Variants in SGCZ observed in about 807,000 individuals in gnomAD.
The protein encoded by SGCZ is zeta-sarcoglycan.
Under a neutral mutation model 41.3 loss-of-function variants are expected in SGCZ, and 40 were observed. The observed-to-expected ratio is 0.97, with a 90% confidence interval of 0.75 to 1.26. The LOEUF is 1.26. Ranked by LOEUF, SGCZ falls within the 50% of genes most tolerant of loss-of-function variation. SGCZ has a pLI of 0.00. For missense variants in SGCZ, 552 were observed against 369.8 expected, an observed-to-expected ratio of 1.49 and a Z score of -4.04; for synonymous variants, 206 against 137.5, an observed-to-expected ratio of 1.50 and a Z score of -3.49.
In SGCZ at chr8:14,395,587, A is replaced by G. The variant is rs188713157; in HGVS notation, c.235-71383T>C. On this transcript the variant is annotated intron_variant, in intron 2 of 7. Transcript: ENST00000382080. ...AGAAAGATAGAAGGTGTAATATTGA[A>G]AGGAGTATTGATTTTCAATTATAAG... Among the ~76,000 whole-genome samples the G allele has an allele frequency of 2.6e-5, 4 of 152,292 alleles. 1 individual carries two copies. Among genetic ancestry groups the G allele is most frequent in the Admixed American group, 6.5e-5 (1 of 15,286 alleles).
chr8:14,412,701 A>C (rs1027921664), intron 2 of SGCZ, among the ~76,000 whole-genome samples: 1 of 152,026 alleles, frequency 6.6e-6, no homozygotes, highest in Non-Finnish European at 1.5e-5. Context: ...GAAATCTCTC[A>C]CAAGGGCTAA....
intron 1 of SGCZ, among the ~76,000 whole-genome samples, chr8:15,005,001 G>T (rs1463422391): frequency 6.6e-6 from 1 of 152,138 alleles, no homozygotes; most frequent in African/African-American, 2.4e-5. Context: ...TGATACTGAT[G>T]TATGCAGTGG....
intron 4 of SGCZ, among the ~76,000 whole-genome samples, chr8:14,213,587 A>C (rs1252432336): frequency 2.0e-5 from 3 of 152,090 alleles, no homozygotes; most frequent in Admixed American, 2.0e-4. Context: ...TGCTATTAGC[A>C]CGCTTTAAAT....
chr8:14,889,349 G>C (rs1200734729), intron 1 of SGCZ, among the ~76,000 whole-genome samples: 2 of 151,850 alleles, frequency 1.3e-5, no homozygotes, highest in Non-Finnish European at 2.9e-5. Flanking sequence ...ACTTCAACCT[G>C]TATTTAAAAA....
At chr8:14,126,538 G>T (rs532405130) in intron 5 of SGCZ, among the ~76,000 whole-genome samples, 1 of 152,160 alleles carries the variant, frequency 6.6e-6, no homozygotes, top group Non-Finnish European at 1.5e-5. Flanking sequence ...CCACTGTTGG[G>T]AATGAAAATT....
At chr8:15,004,283 A>C (rs2130915135) in intron 1 of SGCZ, among the ~76,000 whole-genome samples, 1 of 152,288 alleles carries the variant, frequency 6.6e-6, no homozygotes, top group Middle Eastern at 3.4e-3. Context: ...GATAATGAGC[A>C]AGGCAGTCAT....
intron 1 of SGCZ, among the ~76,000 whole-genome samples, chr8:14,796,637 ACT>A (rs1359647735): frequency 6.6e-6 from 1 of 152,144 alleles, no homozygotes; most frequent in Non-Finnish European, 1.5e-5. Flanking sequence ...CCCTCCTGAC[ACT>A]CTCTACTTAT....
Position 15,000,602 on chromosome 8 carries a change from C to T in SGCZ, c.39+236983G>A, listed in dbSNP as rs571297226. Among the ~76,000 whole-genome samples the T allele has an allele frequency of 1.6e-3, 246 of 152,280 alleles. 4 individuals carry two copies. Among genetic ancestry groups the T allele is most frequent in the Admixed American group, 3.5e-3 (53 of 15,296 alleles). On this transcript the variant is annotated intron_variant, in intron 1 of 7. Transcript: ENST00000382080. The stretch of plus-strand genomic sequence containing the variant: ...CAAGATGGCGGCTCCATCTTCGCTT[C>T]TCTTTGCCAGCCACGTGTACAGCAA...
At chr8:14,117,322 G>A (rs972645047) in intron 5 of SGCZ, among the ~76,000 whole-genome samples, 2 of 150,144 alleles carry the variant, frequency 1.3e-5, no homozygotes, top group African/African-American at 4.9e-5. Flanking sequence ...CCATGAACAG[G>A]GTAAACAGAT....
intron 1 of SGCZ, among the ~76,000 whole-genome samples, chr8:14,976,193 T>C (rs1363999362): frequency 6.6e-6 from 1 of 151,790 alleles, no homozygotes; most frequent in East Asian, 1.9e-4. Context: ...GGCTAATTTT[T>C]TGTGTTTTTA....
chr8:14,464,601 G>A (rs1385364263), intron 2 of SGCZ, among the ~76,000 whole-genome samples: 1 of 148,712 alleles, frequency 6.7e-6, no homozygotes, highest in Non-Finnish European at 1.5e-5. Flanking sequence ...GTTTATCTCT[G>A]CTTTAGTCTT....
chr8:14,880,416 C>A (rs1410315424), intron 1 of SGCZ, among the ~76,000 whole-genome samples: 1 of 152,128 alleles, frequency 6.6e-6, no homozygotes, highest in African/African-American at 2.4e-5. Context: ...TGATGTAGAA[C>A]TAGAAATACC....
chr8:15,108,128 T>C lies in SGCZ; in HGVS notation c.39+129457A>G, dbSNP rs997154346. 2.0e-4 allele frequency among the ~76,000 whole-genome samples: 31 copies of C among 152,228 alleles called. 1 individual carries two copies. Among genetic ancestry groups the C allele is most frequent in the African/African-American group, 7.5e-4 (31 of 41,472 alleles). ...CTTTCTGTTTAATAATTCACTATTATTTTTATCTTGATTAATTTATTCCTT... is the reference window on the plus strand; with the variant it reads ...CTTTCTGTTTAATAATTCACTATTACTTTTATCTTGATTAATTTATTCCTT... On this transcript the variant is annotated intron_variant, in intron 1 of 7. Coordinates refer to ENST00000382080, the MANE Select transcript of SGCZ (RefSeq NM_139167.4).
chr8:15,006,348 G>C (rs1802606188), intron 1 of SGCZ, among the ~76,000 whole-genome samples: 1 of 152,020 alleles, frequency 6.6e-6, no homozygotes, highest in African/African-American at 2.4e-5. Flanking sequence ...AAAATCCCTT[G>C]GTACTGAAGC....
intron 1 of SGCZ, among the ~76,000 whole-genome samples, chr8:15,087,624 C>A (rs939595720): frequency 6.6e-6 from 1 of 151,780 alleles, no homozygotes; most frequent in Non-Finnish European, 1.5e-5. Flanking sequence ...AAGAGCTTGT[C>A]GAAAAAAATG....
At chr8:14,572,086 T>A (rs1411068867) in intron 1 of SGCZ, among the ~76,000 whole-genome samples, 1 of 152,190 alleles carries the variant, frequency 6.6e-6, no homozygotes, top group African/African-American at 2.4e-5. Context: ...TAAAAGCACT[T>A]ATTCATTAAA....
intron 1 of SGCZ, among the ~76,000 whole-genome samples, chr8:14,718,183 T>TA (rs1257182426): frequency 6.6e-6 from 1 of 151,598 alleles, no homozygotes; most frequent in Non-Finnish European, 1.5e-5. Flanking sequence ...CAAACACACA[T>TA]ACAAACAAAA....
At chr8:14,838,804 A>C (rs1382747920) in intron 1 of SGCZ, among the ~76,000 whole-genome samples, 1 of 152,136 alleles carries the variant, frequency 6.6e-6, no homozygotes, top group African/African-American at 2.4e-5. Flanking sequence ...CTGACTGATC[A>C]TCACATAAAA....
At chr8:15,078,604 G>T (rs531781966) in intron 1 of SGCZ, among the ~76,000 whole-genome samples, 11 of 152,026 alleles carry the variant, frequency 7.2e-5, no homozygotes, top group African/African-American at 2.7e-4. Flanking sequence ...AGGATGTTTG[G>T]TCTGTTTACA....
Sources: gnomAD v4.1 joint callset for allele counts (sites outside exome capture counted in the v4.1 genomes callset) on GRCh38, gnomAD v4.1.1 for gene constraint, MANE v1.5 for transcripts, NCBI Gene and HGNC (gene_info 2026-07-23, HGNC 2026-07-21) for gene names.